HNRNPR: variants seen among roughly 807,000 people sequenced by gnomAD.
HNRNPR encodes the protein heterogeneous nuclear ribonucleoprotein R.
A neutral mutation model predicts 70.3 loss-of-function variants in HNRNPR; 4 were observed. The ratio of observed to expected loss-of-function variants is 0.06; its 90% CI spans 0.03 to 0.13. The LOEUF (loss-of-function observed/expected upper bound fraction) is 0.13, where lower values mean the gene tolerates loss of function less well. Ranked by LOEUF, HNRNPR falls within the 10% of genes least tolerant of loss-of-function variation. The pLI, the probability that HNRNPR is intolerant of heterozygous loss-of-function variation, is 1.00. For missense variants in HNRNPR, 423 were observed against 788.5 expected, an observed-to-expected ratio of 0.54 and a Z score of 5.55; for synonymous variants, 241 against 267.6, an observed-to-expected ratio of 0.90 and a Z score of 0.97.
chr1:23,320,799 TATAA>T (rs1645726062), intron 7 of HNRNPR, among the ~76,000 whole-genome samples: 1 of 152,222 alleles, frequency 6.6e-6, no homozygotes, highest in South Asian at 2.1e-4. Context: ...TTCAGTTATA[TATAA>T]ATGTGTATAG....
intron 3 of HNRNPR, 64 bp from the exon 4 acceptor site, chr1:23,337,925 ATTAAAT>A: frequency 1.1e-6 from 1 of 950,120 alleles, no homozygotes; most frequent in Non-Finnish European, 1.6e-6. Flanking sequence ...CAGATACATA[ATTAAAT>A]TTAAATTTCA....
In HNRNPR at chr1:23,313,655, T is replaced by C; in HGVS notation, c.1065A>G (p.Glu355=). 6.2e-7 allele frequency: 1 copy of C among 1,606,236 alleles called. No homozygotes were observed. The highest frequency in any genetic ancestry group is 8.5e-7 in the Non-Finnish European group (1 of 1,177,862). ...ATTCAGAAAATGACTTTTCCAATATTTCTTCTGTCACCGTAGTAGCCAAGT... is the reference window on the plus strand; with the variant it reads ...ATTCAGAAAATGACTTTTCCAATATCTCTTCTGTCACCGTAGTAGCCAAGT... The part of the protein sequence containing the change: ...VRNLATTVTE[E]ILEKSFSEFG... The change falls in exon 9 of 11, where the codon GAA becomes GAG. Residue 355 remains glutamate, a synonymous_variant. Transcript: ENST00000302271.
chr1:23,340,550 A>C (rs749320650), intron 2 of HNRNPR, among the ~76,000 whole-genome samples: 5 of 152,220 alleles, frequency 3.3e-5, no homozygotes, highest in Non-Finnish European at 5.9e-5. Flanking sequence ...ATTTTGATTA[A>C]GAAAAAAATG....
intron 1 of HNRNPR, among the ~76,000 whole-genome samples, chr1:23,342,289 T>C (rs1646731377): frequency 6.6e-6 from 1 of 152,160 alleles, no homozygotes; most frequent in East Asian, 1.9e-4. Context: ...TGATACTTAG[T>C]TGAAGTTAAC....
chr1:23,342,486 G>A (rs1379885203), intron 1 of HNRNPR, among the ~76,000 whole-genome samples: 2 of 152,162 alleles, frequency 1.3e-5, no homozygotes, highest in African/African-American at 4.8e-5. Flanking sequence ...CTCAAGACAA[G>A]CTTCAAATTC....
chr1:23,325,149 A>C (rs909575841), intron 5 of HNRNPR, among the ~76,000 whole-genome samples: 8 of 152,130 alleles, frequency 5.3e-5, no homozygotes, highest in Middle Eastern at 3.2e-3. Context: ...CAAAAAAAAA[A>C]CAAAAAATTT....
intron 4 of HNRNPR, among the ~76,000 whole-genome samples, chr1:23,336,908 T>C (rs1646516431): frequency 6.6e-6 from 1 of 152,120 alleles, no homozygotes; most frequent in Non-Finnish European, 1.5e-5. Flanking sequence ...AATAAAATGG[T>C]AATAATAATA....
chr1:23,316,365 G>A (rs1645547691), intron 8 of HNRNPR, among the ~76,000 whole-genome samples: 1 of 152,134 alleles, frequency 6.6e-6, no homozygotes, highest in African/African-American at 2.4e-5. Flanking sequence ...TAAGTTTATA[G>A]AGACCTCCTT....
At chr1:23,320,604 A>G (rs182221776) in intron 7 of HNRNPR, among the ~76,000 whole-genome samples, 44 of 152,308 alleles carry the variant, frequency 2.9e-4, no homozygotes, top group African/African-American at 1.0e-3. Flanking sequence ...AAGGGAAAGG[A>G]TATGTCTGGA....
chr1:23,319,480 A>G (rs1337215488), intron 7 of HNRNPR, among the ~76,000 whole-genome samples: 3 of 152,122 alleles, frequency 2.0e-5, no homozygotes, highest in Non-Finnish European at 4.4e-5. Context: ...ATCCAATTCC[A>G]AACTCATTTA....
chr1:23,340,123 A>G (rs1646656960), intron 2 of HNRNPR, among the ~76,000 whole-genome samples: 1 of 152,190 alleles, frequency 6.6e-6, no homozygotes, highest in Admixed American at 6.6e-5. Context: ...GAATCTGAAT[A>G]GGCACACACA....
At position 23,325,788 on chromosome 1, in the gene HNRNPR, A is replaced by G. The variant is rs192326687; in HGVS notation, c.499-2056T>C. On this transcript the variant is annotated intron_variant, in intron 5 of 10. Coordinates refer to ENST00000302271, the MANE Select transcript of HNRNPR (RefSeq NM_005826.5). ...CCCACTGGCTCCTTCCTGTCTCCAA[A>G]CAATCCAAAAACAAAACACAACAAA... 2.6e-4 allele frequency among the ~76,000 whole-genome samples: 40 copies of G among 152,278 alleles called. No homozygotes were observed. In the East Asian group the frequency reaches 6.4e-3, roughly 24 times the overall value.
chr1:23,326,105 G>T (rs1000346223), intron 5 of HNRNPR, among the ~76,000 whole-genome samples: 4 of 152,110 alleles, frequency 2.6e-5, no homozygotes, highest in African/African-American at 9.7e-5. Flanking sequence ...CTGGACTCAA[G>T]TGATCTTCCT....
At chr1:23,334,847 G>A (rs1254950896) in intron 4 of HNRNPR, among the ~76,000 whole-genome samples, 1 of 151,978 alleles carries the variant, frequency 6.6e-6, no homozygotes, top group African/African-American at 2.4e-5. Flanking sequence ...AAAGAGCTTA[G>A]AGAAGAAAAG....
intron 5 of HNRNPR, among the ~76,000 whole-genome samples, chr1:23,328,539 G>A (rs537340007): frequency 1.3e-5 from 2 of 152,196 alleles, no homozygotes; most frequent in East Asian, 1.9e-4. Flanking sequence ...TTGCTCTGTC[G>A]CCCAGGCCGG....
intron 4 of HNRNPR, among the ~76,000 whole-genome samples, chr1:23,334,285 G>A (rs1195965475): frequency 7.2e-6 from 1 of 139,542 alleles, no homozygotes; most frequent in Non-Finnish European, 1.5e-5. Flanking sequence ...CACCCAGGCT[G>A]GAGTGCAGTA....
rs774375902 is a variant in HNRNPR, at chr1:23,311,156, C to A, written c.1289+45G>T. The A allele has an allele frequency of 3.7e-6, 6 of 1,611,624 alleles. No individual in the cohort carries two copies. In the African/African-American group the frequency reaches 8.0e-5, roughly 22 times the overall value. The stretch of plus-strand genomic sequence containing the variant: ...TTTATTAATCTGATCTCCATTATCA[C>A]GTTATTCCTTGTCCAAAGATATATC... On this transcript the variant is annotated intron_variant, in intron 10 of 10. Transcript: ENST00000302271.
At chr1:23,319,722 C>T (rs1645683659) in intron 7 of HNRNPR, among the ~76,000 whole-genome samples, 1 of 152,188 alleles carries the variant, frequency 6.6e-6, no homozygotes, top group Admixed American at 6.5e-5. Flanking sequence ...ACATGGCCTA[C>T]AGAAGCCCTG....
intron 4 of HNRNPR, among the ~76,000 whole-genome samples, chr1:23,334,398 G>A (rs533446468): frequency 5.7e-4 from 87 of 152,032 alleles, no homozygotes; most frequent in Non-Finnish European, 1.1e-3. Context: ...CACAACGCCC[G>A]GCTAATTTTT....
Sources: gnomAD v4.1 joint callset for allele counts (sites outside exome capture counted in the v4.1 genomes callset) on GRCh38, gnomAD v4.1.1 for gene constraint, MANE v1.5 for transcripts, NCBI Gene and HGNC (gene_info 2026-07-23, HGNC 2026-07-21) for gene names.